Variants in ERC2 observed in about 807,000 individuals in gnomAD.
The protein encoded by ERC2 is ELKS/RAB6-interacting/CAST family member 2.
A neutral mutation model predicts 114.8 loss-of-function variants in ERC2; 42 were observed. The ratio of observed to expected loss-of-function variants is 0.37; its 90% CI spans 0.29 to 0.47. The LOEUF is 0.47. ERC2 is among the 20% of genes least tolerant of loss of function. ERC2 has a pLI of 0.99. For missense variants in ERC2, 939 were observed against 1,150.7 expected (o/e 0.82, Z 2.66); for synonymous variants, 454 against 425.5 (o/e 1.07, Z -0.82).
intron 13 of ERC2, among the ~76,000 whole-genome samples, chr3:55,917,487 T>A (rs2065165607): frequency 6.6e-6 from 1 of 152,090 alleles, no homozygotes; most frequent in Admixed American, 6.5e-5. Context: ...AGAAGCCAGA[T>A]ACAAAAGGCC....
intron 2 of ERC2, among the ~76,000 whole-genome samples, chr3:56,384,223 G>C (rs1217243432): frequency 1.3e-5 from 2 of 152,148 alleles, no homozygotes; most frequent in African/African-American, 2.4e-5. Context: ...ATATCCAGAA[G>C]TGGAATTGCT....
At chr3:55,825,011 A>G (rs1235159488) in intron 14 of ERC2, among the ~76,000 whole-genome samples, 1 of 152,092 alleles carries the variant, frequency 6.6e-6, no homozygotes, top group Non-Finnish European at 1.5e-5. Flanking sequence ...ATGATTTACC[A>G]CCAAATTGAG....
chr3:55,746,889 G>A lies in ERC2; in HGVS notation c.2565-11971C>T, dbSNP rs551622734. On this transcript the variant is annotated intron_variant, in intron 14 of 17. Coordinates refer to ENST00000288221, the MANE Select transcript of ERC2 (RefSeq NM_015576.3). ...AGACAACCTAGAGGAGACATTTTGG[G>A]AGGGTGAAGGAAACTGATGGCTTTT... Among the ~76,000 whole-genome samples the A allele has an allele frequency of 5.3e-5, 8 of 152,310 alleles. No individual in the cohort carries two copies. The South Asian group carries it at 1.7e-3, about 32-fold the overall frequency.
chr3:56,070,773 G>A lies in ERC2; in HGVS notation c.1641+10044C>T, dbSNP rs116331393. On this transcript the variant is annotated intron_variant, in intron 7 of 17. Transcript: ENST00000288221. ...AAGACGTAAAGAATAGAAAAGCTCCGAAATGTGAAATCTGTTTCCTAAGTG... is the reference window on the plus strand; with the variant it reads ...AAGACGTAAAGAATAGAAAAGCTCCAAAATGTGAAATCTGTTTCCTAAGTG... Among the ~76,000 whole-genome samples, 408 of 152,272 alleles carry A rather than the reference G, an allele frequency of 2.7e-3. 2 individuals carry two copies. Among genetic ancestry groups the A allele is most frequent in the African/African-American group, 9.2e-3 (381 of 41,562 alleles).
intron 12 of ERC2, among the ~76,000 whole-genome samples, chr3:55,961,500 G>T (rs2068360675): frequency 6.6e-6 from 1 of 152,072 alleles, no homozygotes; most frequent in African/African-American, 2.4e-5. Flanking sequence ...TGTCTTCCTT[G>T]TTCTGCTATA....
chr3:55,858,436 C>T (rs1183468108), intron 14 of ERC2, among the ~76,000 whole-genome samples: 2 of 152,130 alleles, frequency 1.3e-5, no homozygotes, highest in African/African-American at 4.8e-5. Context: ...TGATAGTAAG[C>T]TGCCACGAGG....
intron 7 of ERC2, among the ~76,000 whole-genome samples, chr3:56,063,726 T>C (rs966857094): frequency 6.6e-6 from 1 of 152,202 alleles, no homozygotes; most frequent in Non-Finnish European, 1.5e-5. Context: ...TACTGAAGCA[T>C]GCATGTATGT....
At chr3:55,552,221 C>T (rs1186849097) in intron 17 of ERC2, among the ~76,000 whole-genome samples, 2 of 152,162 alleles carry the variant, frequency 1.3e-5, no homozygotes, top group Non-Finnish European at 2.9e-5. Context: ...AAAGAAGTTT[C>T]CTCTATGCCC....
intron 17 of ERC2, among the ~76,000 whole-genome samples, chr3:55,570,556 G>C (rs552571262): frequency 6.6e-6 from 1 of 152,094 alleles, no homozygotes; most frequent in Non-Finnish European, 1.5e-5. Context: ...TGTTCTGCAG[G>C]ACATCTCTCC....
At chr3:56,152,316 T>A (rs1391251169) in intron 4 of ERC2, among the ~76,000 whole-genome samples, 1 of 152,078 alleles carries the variant, frequency 6.6e-6, no homozygotes, top group African/African-American at 2.4e-5. Flanking sequence ...CTTGTAATGA[T>A]CACATTAAGC....
chr3:56,328,873 G>A (rs1004914414), intron 2 of ERC2, among the ~76,000 whole-genome samples: 1 of 152,078 alleles, frequency 6.6e-6, no homozygotes, highest in Non-Finnish European at 1.5e-5. Context: ...AGAAGAGAGA[G>A]AAAAAAGCCT....
At chr3:55,867,535 C>T (rs2062381870) in intron 14 of ERC2, among the ~76,000 whole-genome samples, 1 of 152,044 alleles carries the variant, frequency 6.6e-6, no homozygotes, top group Non-Finnish European at 1.5e-5. Flanking sequence ...ATAAGCATTG[C>T]TTCATGTAGA....
At position 55,606,362 on chromosome 3, in the gene ERC2, G is replaced by C. The variant is rs60581301; in HGVS notation, c.*39+77432C>G. Among the ~76,000 whole-genome samples, 433 of 152,230 alleles carry C rather than the reference G, an allele frequency of 2.8e-3. 1 individual carries two copies. Among genetic ancestry groups the C allele is most frequent in the African/African-American group, 9.9e-3 (412 of 41,542 alleles). On this transcript the variant is annotated intron_variant, in intron 17 of 17. Coordinates refer to ENST00000288221, the MANE Select transcript of ERC2 (RefSeq NM_015576.3). ...TAAGAAGTCAACTGGGCTGGGCTAG[G>C]GGGTAGAGGAAGATTCAAAACATCA... is the stretch of plus-strand genomic sequence containing the variant.
At chr3:55,801,233 A>C (rs952735253) in intron 14 of ERC2, among the ~76,000 whole-genome samples, 6 of 152,238 alleles carry the variant, frequency 3.9e-5, no homozygotes, top group Non-Finnish European at 8.8e-5. Context: ...GATTTTCTTA[A>C]GACGCCCATA....
At chr3:56,086,261 T>C (rs183394065) in intron 6 of ERC2, among the ~76,000 whole-genome samples, 4 of 152,154 alleles carry the variant, frequency 2.6e-5, no homozygotes, top group Admixed American at 2.0e-4. Context: ...TGAGAATATT[T>C]CTCCAGAAAC....
intron 2 of ERC2, among the ~76,000 whole-genome samples, chr3:56,372,398 C>T (rs74363320): frequency 0.02 from 3,035 of 152,124 alleles, 100 homozygotes; most frequent in African/African-American, 0.067. Flanking sequence ...TATTAATGAA[C>T]GCTTTGTAAA....
chr3:56,028,037 A>G (rs1170526428), intron 7 of ERC2, among the ~76,000 whole-genome samples: 1 of 152,170 alleles, frequency 6.6e-6, no homozygotes, highest in African/African-American at 2.4e-5. Flanking sequence ...TAATTGATCC[A>G]GCATCATTTG....
intron 4 of ERC2, among the ~76,000 whole-genome samples, chr3:56,159,117 C>T (rs1018161127): frequency 6.6e-6 from 1 of 152,094 alleles, no homozygotes; most frequent in African/African-American, 2.4e-5. Context: ...TGTGCTTTTA[C>T]TCTGGCCATC....
chr3:55,643,480 T>C (rs1002010451), intron 17 of ERC2, among the ~76,000 whole-genome samples: 19 of 152,206 alleles, frequency 1.2e-4, no homozygotes, highest in African/African-American at 3.9e-4. Context: ...TGAATTTTAC[T>C]GGACTTGAAA....
Sources: allele counts gnomAD v4.1 joint callset (sites outside exome capture counted in the v4.1 genomes callset), GRCh38; gene constraint gnomAD v4.1.1; transcripts MANE v1.5; gene names NCBI Gene and HGNC (gene_info 2026-07-23, HGNC 2026-07-21).